The following NOL4 variants were observed in gnomAD, a reference collection of about 807,000 sequenced individuals.
NOL4 encodes cancer/testis antigen 125.
A neutral mutation model predicts 75.9 loss-of-function variants in NOL4; 17 were observed. That is an observed-to-expected ratio of 0.22 (90% CI 0.15 to 0.34). The LOEUF (loss-of-function observed/expected upper bound fraction) is 0.34. Among genes scored for constraint, NOL4 ranks in the 10% least tolerant of loss-of-function variants. The probability of loss-of-function intolerance (pLI) is 1.00; values close to 1 mark genes in which losing one functional copy is unlikely to be tolerated. For missense variants in NOL4, 614 were observed against 793.5 expected (o/e 0.77, Z 2.72); for synonymous variants, 292 against 289.9 (o/e 1.01, Z -0.07).
intron 2 of NOL4, among the ~76,000 whole-genome samples, chr18:34,128,017 T>C (rs1194984117): frequency 6.6e-6 from 1 of 151,900 alleles, no homozygotes; most frequent in Non-Finnish European, 1.5e-5. Flanking sequence ...AGAAAATGTC[T>C]TCCTAATGTT....
intron 9 of NOL4, among the ~76,000 whole-genome samples, chr18:33,887,967 T>C (rs1378383664): frequency 1.3e-5 from 2 of 152,176 alleles, no homozygotes; most frequent in Non-Finnish European, 1.5e-5. Flanking sequence ...ATGGTATTTC[T>C]AGTTCTAGAT....
At chr18:34,163,815 G>T (rs2146200564) in intron 1 of NOL4, among the ~76,000 whole-genome samples, 1 of 152,218 alleles carries the variant, frequency 6.6e-6, no homozygotes, top group Admixed American at 6.5e-5. Context: ...AAAGCTGGAG[G>T]TATCACACTA....
chr18:34,092,693 G>A (rs2078584342), intron 5 of NOL4, among the ~76,000 whole-genome samples: 1 of 152,038 alleles, frequency 6.6e-6, no homozygotes, highest in South Asian at 2.1e-4. Context: ...GAATATAACT[G>A]GCCAATTTCC....
chr18:33,878,018 C>T (rs1031676061), intron 10 of NOL4, among the ~76,000 whole-genome samples: 8 of 151,952 alleles, frequency 5.3e-5, no homozygotes, highest in African/African-American at 1.7e-4. Context: ...GACCTTGAAG[C>T]TGGAAGAGCT....
At chr18:34,159,134 A>G (rs909605865) in intron 1 of NOL4, among the ~76,000 whole-genome samples, 4 of 152,128 alleles carry the variant, frequency 2.6e-5, no homozygotes, top group Non-Finnish European at 4.4e-5. Context: ...GGCGGTGTCC[A>G]TAGCAACGCT....
intron 5 of NOL4, among the ~76,000 whole-genome samples, chr18:34,087,298 A>G (rs917961193): frequency 6.6e-6 from 1 of 152,080 alleles, no homozygotes; most frequent in Non-Finnish European, 1.5e-5. Flanking sequence ...ATATCTGTTA[A>G]TGTACTTATT....
At chr18:33,907,678 T>A (rs1244465084) in intron 9 of NOL4, among the ~76,000 whole-genome samples, 1 of 152,164 alleles carries the variant, frequency 6.6e-6, no homozygotes, top group Non-Finnish European at 1.5e-5. Flanking sequence ...AGCATCTGCA[T>A]AATAGCTGTC....
intron 6 of NOL4, among the ~76,000 whole-genome samples, chr18:34,008,476 T>A (rs2074183917): frequency 6.6e-6 from 1 of 151,900 alleles, no homozygotes; most frequent in African/African-American, 2.4e-5. Context: ...AGTGATAATA[T>A]CTTAGTTAAT....
chr18:34,044,749 C>G (rs760702347), intron 5 of NOL4, among the ~76,000 whole-genome samples: 1 of 152,114 alleles, frequency 6.6e-6, no homozygotes, highest in Non-Finnish European at 1.5e-5. Context: ...CTTAAGATGT[C>G]TAAAATCAAA....
chr18:33,863,514 A>G (rs57800973), intron 10 of NOL4, among the ~76,000 whole-genome samples: 26,935 of 152,122 alleles, frequency 0.18, 2,605 homozygotes, highest in Non-Finnish European at 0.22. Flanking sequence ...CCAAAACAAC[A>G]AGGCTACAGG....
Position 34,060,937 on chromosome 18 carries a change from A to T in NOL4, c.772+32528T>A, listed in dbSNP as rs757311085. Among the ~76,000 whole-genome samples the T allele has an allele frequency of 4.0e-4, 61 of 152,178 alleles. 1 individual carries two copies. Among genetic ancestry groups the T allele is most frequent in the Non-Finnish European group, 4.9e-4 (33 of 68,024 alleles). On this transcript the variant is annotated intron_variant, in intron 5 of 10. Coordinates refer to ENST00000261592, the MANE Select transcript of NOL4 (RefSeq NM_003787.5). ...AAGTGCTATGTAAATGCACAAAGAC[A>T]TCATTCCTGCCTTGCTGCTTGATGT...
chr18:33,935,420 T>C (rs1454222424), intron 9 of NOL4, among the ~76,000 whole-genome samples: 1 of 152,054 alleles, frequency 6.6e-6, no homozygotes, highest in Non-Finnish European at 1.5e-5. Flanking sequence ...TCAGAAAGGC[T>C]GAAGAAAGAG....
intron 10 of NOL4, among the ~76,000 whole-genome samples, chr18:33,866,628 A>G (rs1422019252): frequency 3.3e-5 from 5 of 152,148 alleles, no homozygotes; most frequent in Non-Finnish European, 7.4e-5. Context: ...TGGAGACCTA[A>G]CTAATCCTTT....
intron 10 of NOL4, among the ~76,000 whole-genome samples, chr18:33,861,289 T>G (rs1047822401): frequency 6.6e-6 from 1 of 152,192 alleles, no homozygotes; most frequent in Non-Finnish European, 1.5e-5. Flanking sequence ...TGGTAAGCTA[T>G]GGATTATTGC....
intron 5 of NOL4, among the ~76,000 whole-genome samples, chr18:34,072,474 A>G (rs1180560759): frequency 6.6e-6 from 1 of 152,220 alleles, no homozygotes; most frequent in African/African-American, 2.4e-5. Flanking sequence ...AGAATTAAAG[A>G]GAAGTAGATA....
intron 9 of NOL4, among the ~76,000 whole-genome samples, chr18:33,886,129 C>T (rs1198162323): frequency 2.6e-5 from 4 of 151,972 alleles, no homozygotes; most frequent in African/African-American, 7.3e-5. Flanking sequence ...AACAGTTGAA[C>T]TTATGGACAT....
At chr18:34,024,194 A>AAAAAAATATATATATAT in intron 5 of NOL4, among the ~76,000 whole-genome samples, 8 of 70,676 alleles carry the variant, frequency 1.1e-4, no homozygotes, top group Non-Finnish European at 9.4e-5. Context: ...AAAAAAAAAA[A>AAAAAAATATATATATAT]ATATATATAT....
intron 5 of NOL4, among the ~76,000 whole-genome samples, chr18:34,084,921 G>T (rs2145440535): frequency 6.6e-6 from 1 of 152,256 alleles, no homozygotes; most frequent in Non-Finnish European, 1.5e-5. Context: ...GTTTTTAAAA[G>T]AAGTAGTAGC....
At chr18:34,129,789 T>C in intron 2 of NOL4, 82 bp downstream of exon 2, 1 of 1,249,960 alleles carries the variant, frequency 8.0e-7, no homozygotes, top group South Asian at 1.9e-5. Flanking sequence ...AGAATATTTA[T>C]AATTATCGAA....
Sources: gnomAD v4.1 joint callset for allele counts (sites outside exome capture counted in the v4.1 genomes callset) on GRCh38, gnomAD v4.1.1 for gene constraint, MANE v1.5 for transcripts, NCBI Gene and HGNC (gene_info 2026-07-23, HGNC 2026-07-21) for gene names.